Variants in PLEKHH2 observed in about 807,000 individuals in gnomAD.
PLEKHH2 encodes pleckstrin homology domain-containing family H member 2.
In PLEKHH2, 129 loss-of-function variants were observed where a neutral mutation model predicts 187.9. That is an observed-to-expected ratio of 0.69 (90% confidence interval 0.59 to 0.79). The LOEUF (loss-of-function observed/expected upper bound fraction) is 0.79, where lower values mean the gene tolerates loss of function less well. PLEKHH2 is among the 30% of genes least tolerant of loss of function. The pLI, the probability that PLEKHH2 is intolerant of heterozygous loss-of-function variation, is 0.00. For missense variants in PLEKHH2, 2,076 were observed against 1,751.2 expected (o/e 1.19, Z -3.31); for synonymous variants, 686 against 605.6 (o/e 1.13, Z -1.95).
chr2:43,740,393 C>T (rs1248230015), intron 20 of PLEKHH2, among the ~76,000 whole-genome samples: 1 of 152,074 alleles, frequency 6.6e-6, no homozygotes, highest in Non-Finnish European at 1.5e-5. Context: ...ATGTTTTATA[C>T]TTCCTTGAAA....
In PLEKHH2 at chr2:43,726,416, C is replaced by G; in HGVS notation, c.2686C>G (p.Pro896Ala). The G allele has an allele frequency of 6.2e-7, 1 of 1,611,690 alleles. No homozygotes were observed. The highest frequency in any genetic ancestry group is 1.1e-5 in the South Asian group (1 of 90,994). The change falls in exon 17 of 30, where the codon CCA becomes GCA. Residue 896 changes from proline to alanine, a missense_variant. Physicochemically the swap from Pro to Ala is conservative, Grantham distance 27. Transcript: ENST00000282406. ...TIVIHPKDQG[P>A]TYLLIGSKHE... ...CGTTATCCATCCCAAAGACCAAGGT[C>G]CAACTTACCTCCTAATTGGATCCAA... is the stretch of plus-strand genomic sequence containing the variant.
intron 15 of PLEKHH2, among the ~76,000 whole-genome samples, chr2:43,713,846 T>C (rs1467589347): frequency 6.6e-6 from 1 of 152,124 alleles, no homozygotes; most frequent in Non-Finnish European, 1.5e-5. Flanking sequence ...TACTGTGTAG[T>C]TTATACTTAT....
intron 2 of PLEKHH2, among the ~76,000 whole-genome samples, chr2:43,648,433 C>T (rs528609268): frequency 1.1e-4 from 17 of 152,152 alleles, no homozygotes; most frequent in East Asian, 7.7e-4. Flanking sequence ...GTGATCCGCC[C>T]GCCTTAGCCT....
rs985089325 is a variant in PLEKHH2, at chr2:43,731,518, G to A, written c.2859G>A (p.Leu953=). The stretch of plus-strand genomic sequence containing the variant: ...CTCAGATATGGAGACACCCCACTTT[G>A]TGTCACAGTAAAGAAGGAATCATTT... ...PSSQIWRHPT[L]CHSKEGIISP... is the part of the protein sequence containing the mutation. The change falls in exon 19 of 30, where the codon TTG becomes TTA. Residue 953 remains leucine, a synonymous_variant. Transcript: ENST00000282406. The A allele has an allele frequency of 8.7e-6, 14 of 1,604,088 alleles. No individual in the cohort carries two copies. The highest frequency in any genetic ancestry group is 1.2e-5 in the Non-Finnish European group (14 of 1,171,442).
chr2:43,675,669 C>G (rs767155296), intron 2 of PLEKHH2: 25 of 1,613,834 alleles, frequency 1.5e-5, no homozygotes, highest in Non-Finnish European at 1.7e-5. Flanking sequence ...TTGCCAGCTG[C>G]TTATCTTCAG....
At chr2:43,702,527 C>CTTTTTTTTTTTT (rs1167078689) in intron 8 of PLEKHH2, among the ~76,000 whole-genome samples, 29 of 57,392 alleles carry the variant, frequency 5.1e-4, no homozygotes, top group South Asian at 1.3e-3. Flanking sequence ...CATTCTACTA[C>CTTTTTTTTTTTT]TTTTTTTTTT....
intron 18 of PLEKHH2, 48 bp downstream of exon 18, chr2:43,729,793 C>G: frequency 2.3e-6 from 3 of 1,317,888 alleles, no homozygotes; most frequent in Non-Finnish European, 3.1e-6. Context: ...ATGAAATGGA[C>G]CTCAACCCGC....
chr2:43,744,782 C>T (rs1394369736), intron 23 of PLEKHH2, among the ~76,000 whole-genome samples: 7 of 150,038 alleles, frequency 4.7e-5, no homozygotes, highest in African/African-American at 1.7e-4. Context: ...GCACTAGAAT[C>T]TCTTGAGCCC....
At chr2:43,647,819 C>G (rs1666256582) in intron 2 of PLEKHH2, among the ~76,000 whole-genome samples, 1 of 152,148 alleles carries the variant, frequency 6.6e-6, no homozygotes, top group Non-Finnish European at 1.5e-5. Context: ...GGTTCTTTAG[C>G]TCTTTGCCCG....
At position 43,676,015 on chromosome 2, in the gene PLEKHH2, G is replaced by T. The variant is rs1667753730; in HGVS notation, c.124-2848G>T. On this transcript the variant is annotated intron_variant, in intron 2 of 29. Coordinates refer to ENST00000282406, the MANE Select transcript of PLEKHH2 (RefSeq NM_172069.4). The stretch of plus-strand genomic sequence containing the variant: ...TATATTGAACAAATTATCATTTTTA[G>T]TATCGTAGAGCTCTGCTTTGTCACA... 5.6e-6 allele frequency: 9 copies of T among 1,614,002 alleles called. No homozygotes were observed. In the East Asian group the frequency reaches 2.0e-4, roughly 36 times the overall value.
At chr2:43,754,882 T>C (rs979444244) in intron 25 of PLEKHH2, among the ~76,000 whole-genome samples, 64 of 149,944 alleles carry the variant, frequency 4.3e-4, no homozygotes, top group African/African-American at 1.4e-3. Context: ...TTTTTTTTTT[T>C]TTTTTTTTGA....
Position 43,729,716 on chromosome 2 carries a change from G to A in PLEKHH2, c.2801G>A (p.Cys934Tyr), listed in dbSNP as rs1460125748. 7 of 1,606,750 alleles carry A rather than the reference G, an allele frequency of 4.4e-6. No individual in the cohort carries two copies. Among genetic ancestry groups the A allele is most frequent in the South Asian group, 1.1e-5 (1 of 89,386 alleles). ...NVGSEFEQLV[C>Y]KLLNIDGEPS... ...GGATCTGAATTTGAACAACTGGTTT[G>A]CAAATTGCTAAATATAGACGGGGAG... Residue 934 changes from cysteine to tyrosine, a missense_variant, in exon 18 of 30, where the codon TGC becomes TAC. By Grantham distance (194) the Cys-to-Tyr change is radical (BLOSUM62 -2). Transcript: ENST00000282406.
chr2:43,750,014 G>C (rs545675603), intron 24 of PLEKHH2, among the ~76,000 whole-genome samples: 8 of 152,306 alleles, frequency 5.3e-5, no homozygotes, highest in African/African-American at 1.7e-4. Context: ...TCATAGTTAA[G>C]CTTCTTATTT....
chr2:43,637,965 ATTG>A (rs1265738305), intron 1 of PLEKHH2, among the ~76,000 whole-genome samples: 1 of 152,154 alleles, frequency 6.6e-6, no homozygotes, highest in Non-Finnish European at 1.5e-5. Context: ...ACCCGTCGAT[ATTG>A]TTGTGCGTAA....
chr2:43,645,582 A>C (rs1220154393), intron 2 of PLEKHH2, among the ~76,000 whole-genome samples: 3 of 152,180 alleles, frequency 2.0e-5, no homozygotes, highest in Middle Eastern at 3.2e-3. Flanking sequence ...GAATAAATAC[A>C]GGATTTCAAA....
intron 3 of PLEKHH2, among the ~76,000 whole-genome samples, chr2:43,684,819 CAA>C (rs534046953): frequency 3.6e-4 from 39 of 109,752 alleles, no homozygotes; most frequent in African/African-American, 6.3e-4. Context: ...CTCCCATTAC[CAA>C]AAAAAAAAAA....
At chr2:43,731,440 A>C in intron 18 of PLEKHH2, 50 bp from the exon 19 acceptor site, 1 of 1,224,124 alleles carries the variant, frequency 8.2e-7, no homozygotes, top group Non-Finnish European at 1.2e-6. Flanking sequence ...ATAAGAGGCC[A>C]CAATAAGTGG....
intron 8 of PLEKHH2, among the ~76,000 whole-genome samples, chr2:43,702,691 G>C (rs944880398): frequency 6.6e-6 from 1 of 151,998 alleles, no homozygotes; most frequent in African/African-American, 2.4e-5. Flanking sequence ...AAGGAAAAGA[G>C]ATGTATTCTA....
chr2:43,646,098 G>A (rs946605546), intron 2 of PLEKHH2, among the ~76,000 whole-genome samples: 1 of 152,054 alleles, frequency 6.6e-6, no homozygotes, highest in Non-Finnish European at 1.5e-5. Flanking sequence ...TTTGGGTCAA[G>A]GATGACTCAG....
Sources: allele counts gnomAD v4.1 joint callset (sites outside exome capture counted in the v4.1 genomes callset), GRCh38; gene constraint gnomAD v4.1.1; transcripts MANE v1.5; gene names NCBI Gene and HGNC (gene_info 2026-07-23, HGNC 2026-07-21).